The following TSHZ2 variants were observed in gnomAD, a reference collection of about 807,000 sequenced individuals.
The protein encoded by TSHZ2 is teashirt homolog 2.
A neutral mutation model predicts 74.4 loss-of-function variants in TSHZ2; 21 were observed. The ratio of observed to expected loss-of-function variants is 0.28; its 90% CI spans 0.20 to 0.41. The LOEUF is 0.41. Among genes scored for constraint, TSHZ2 ranks in the 10% least tolerant of loss-of-function variants. TSHZ2 has a pLI of 1.00. For synonymous variants in TSHZ2, 540 were observed against 515.3 expected, an observed-to-expected ratio of 1.05 and a Z score of -0.65; for missense variants, 1,244 against 1,293.5, an observed-to-expected ratio of 0.96 and a Z score of 0.59.
At chr20:53,006,524 C>T (rs540292742) in intron 1 of TSHZ2, among the ~76,000 whole-genome samples, 2 of 152,314 alleles carry the variant, frequency 1.3e-5, no homozygotes, top group Non-Finnish European at 2.9e-5. Context: ...AAGCCCCAGT[C>T]CCTTTTAATG....
At chr20:53,406,684 C>G (rs1421495101) in intron 2 of TSHZ2, among the ~76,000 whole-genome samples, 2 of 152,238 alleles carry the variant, frequency 1.3e-5, no homozygotes, top group Non-Finnish European at 2.9e-5. Flanking sequence ...TAGAAGTGAG[C>G]AAAGCAGGCA....
intron 2 of TSHZ2, chr20:53,397,885 C>T (rs1982513169): frequency 6.6e-6 from 1 of 152,082 alleles, no homozygotes; most frequent in Non-Finnish European, 1.5e-5. Context: ...GACAGAAAAC[C>T]AAACACCGCA....
chr20:53,140,539 CAAAA>C (rs34045440), intron 1 of TSHZ2, among the ~76,000 whole-genome samples: 798 of 79,748 alleles, frequency 0.01, 9 homozygotes, highest in African/African-American at 0.033. Flanking sequence ...GACTCCGTCT[CAAAA>C]AAAAAAAAAA....
At chr20:53,467,961 G>GTGAT (rs1253484755) in intron 2 of TSHZ2, among the ~76,000 whole-genome samples, 1 of 151,950 alleles carries the variant, frequency 6.6e-6, no homozygotes, top group Non-Finnish European at 1.5e-5. Flanking sequence ...GGAGGTTCCC[G>GTGAT]TGATAGAACC....
rs1465064592 is a variant in TSHZ2 at position 53,457,199 on chromosome 20, G to A, written c.*9-29945G>A. On this transcript the variant is annotated intron_variant, in intron 2 of 2. Coordinates refer to ENST00000371497, the MANE Select transcript of TSHZ2 (RefSeq NM_173485.6). ...TTCTTCCTACCCATGAGCATGGAATGTTCTTCCAGTTGTTTGTATCCTCTT... is the reference window on the plus strand; with the variant it reads ...TTCTTCCTACCCATGAGCATGGAATATTCTTCCAGTTGTTTGTATCCTCTT... Among the ~76,000 whole-genome samples, 15 of 145,076 alleles carry A rather than the reference G, an allele frequency of 1.0e-4. 1 individual carries two copies. The highest frequency in any genetic ancestry group is 4.0e-4 in the African/African-American group (15 of 37,554).
intron 1 of TSHZ2, among the ~76,000 whole-genome samples, chr20:53,099,883 A>G (rs773116594): frequency 2.6e-5 from 4 of 152,174 alleles, no homozygotes; most frequent in Non-Finnish European, 4.4e-5. Context: ...CAGCCAAACC[A>G]TATCACTTAT....
intron 1 of TSHZ2, among the ~76,000 whole-genome samples, chr20:53,083,477 A>T (rs1985596594): frequency 6.6e-6 from 1 of 152,196 alleles, no homozygotes; most frequent in Non-Finnish European, 1.5e-5. Flanking sequence ...CGCCATATCT[A>T]CTTCTTTCAT....
intron 2 of TSHZ2, among the ~76,000 whole-genome samples, chr20:53,427,701 C>T (rs1983702647): frequency 6.6e-6 from 1 of 152,138 alleles, no homozygotes; most frequent in Non-Finnish European, 1.5e-5. Context: ...TAGCTCTATC[C>T]ACTGCAGTAG....
chr20:53,429,503 T>C (rs1217790312), intron 2 of TSHZ2, among the ~76,000 whole-genome samples: 1 of 152,244 alleles, frequency 6.6e-6, no homozygotes, highest in Non-Finnish European at 1.5e-5. Context: ...GGAGTTTCCC[T>C]GCACAAGTGC....
chr20:53,346,440 C>T (rs996207793), intron 2 of TSHZ2, among the ~76,000 whole-genome samples: 4 of 152,184 alleles, frequency 2.6e-5, no homozygotes, highest in South Asian at 2.1e-4. Flanking sequence ...TTTCCAGAGA[C>T]GGCTTGTCTG....
At chr20:53,430,115 C>CT in intron 2 of TSHZ2, among the ~76,000 whole-genome samples, 1 of 152,192 alleles carries the variant, frequency 6.6e-6, no homozygotes, top group Non-Finnish European at 1.5e-5. Flanking sequence ...GATAAGGCTT[C>CT]TTTTTTTGAG....
At chr20:53,452,937 C>T (rs572084144) in intron 2 of TSHZ2, 22 of 152,068 alleles carry the variant, frequency 1.4e-4, no homozygotes, top group Admixed American at 8.5e-4. Context: ...TCTTATTCAC[C>T]GTAATTTTGT....
At chr20:53,409,413 G>C (rs1982966852) in intron 2 of TSHZ2, among the ~76,000 whole-genome samples, 1 of 151,798 alleles carries the variant, frequency 6.6e-6, no homozygotes, top group South Asian at 2.1e-4. Context: ...AAAGACACTT[G>C]TTTTGGCATT....
chr20:53,438,723 G>A (rs890616572), intron 2 of TSHZ2, among the ~76,000 whole-genome samples: 1 of 152,164 alleles, frequency 6.6e-6, no homozygotes, highest in Admixed American at 6.5e-5. Flanking sequence ...CATTTTGGGA[G>A]GCCAAGGCAG....
chr20:53,435,176 T>G (rs1369519268), intron 2 of TSHZ2, among the ~76,000 whole-genome samples: 1 of 152,236 alleles, frequency 6.6e-6, no homozygotes, highest in Non-Finnish European at 1.5e-5. Context: ...AGGAACAATT[T>G]TATTTCTTTG....
intron 1 of TSHZ2, among the ~76,000 whole-genome samples, chr20:53,231,398 G>A (rs892259626): frequency 6.6e-6 from 1 of 152,204 alleles, no homozygotes; most frequent in Non-Finnish European, 1.5e-5. Context: ...ATATTGAAGA[G>A]CTGTTTCTCT....
chr20:53,042,823 C>A (rs1212782924), intron 1 of TSHZ2, among the ~76,000 whole-genome samples: 3 of 152,022 alleles, frequency 2.0e-5, no homozygotes, highest in Admixed American at 6.6e-5. Flanking sequence ...GCATATGTTT[C>A]GATCCAGCAA....
intron 2 of TSHZ2, among the ~76,000 whole-genome samples, chr20:53,260,200 A>G (rs1164197398): frequency 6.6e-6 from 1 of 152,240 alleles, no homozygotes; most frequent in Non-Finnish European, 1.5e-5. Context: ...AAGTTCTACC[A>G]ATTGTAATAG....
intron 1 of TSHZ2, among the ~76,000 whole-genome samples, chr20:53,146,741 T>G (rs983179515): frequency 1.3e-5 from 2 of 152,168 alleles, no homozygotes; most frequent in Non-Finnish European, 1.5e-5. Flanking sequence ...CAGTGTTGTG[T>G]GAACAAAGAA....
Sources: gnomAD v4.1 joint callset for allele counts (sites outside exome capture counted in the v4.1 genomes callset) on GRCh38, gnomAD v4.1.1 for gene constraint, MANE v1.5 for transcripts, NCBI Gene and HGNC (gene_info 2026-07-23, HGNC 2026-07-21) for gene names.